The following GRIA4 variants were observed in gnomAD, a reference collection of about 807,000 sequenced individuals.
GRIA4 encodes glutamate receptor 4.
Under a neutral mutation model 104.0 loss-of-function variants are expected in GRIA4, and 34 were observed. The observed-to-expected ratio is 0.33, with a 90% CI of 0.25 to 0.44. The LOEUF (loss-of-function observed/expected upper bound fraction) is 0.44, where lower values mean the gene tolerates loss of function less well. Ranked by LOEUF, GRIA4 falls within the 20% of genes least tolerant of loss-of-function variation. The probability of loss-of-function intolerance (pLI) is 1.00; values close to 1 mark genes in which losing one functional copy is unlikely to be tolerated. For synonymous variants in GRIA4, 386 were observed against 381.9 expected (o/e 1.01, Z -0.13); for missense variants, 750 against 1,096.5 (o/e 0.68, Z 4.46).
chr11:105,747,915 C>T (rs1003188655), intron 3 of GRIA4, among the ~76,000 whole-genome samples: 34 of 152,214 alleles, frequency 2.2e-4, no homozygotes, highest in African/African-American at 5.5e-4. Context: ...AACTAAACTT[C>T]GACACATACT....
chr11:105,980,354 C>T lies in GRIA4; in HGVS notation c.*615C>T, dbSNP rs562637710. On this transcript the variant is annotated 3_prime_UTR_variant, in exon 17 of 17. Coordinates refer to ENST00000282499, the MANE Select transcript of GRIA4 (RefSeq NM_000829.4). ...TAACTGACGTAAATTCAGTAGAGGA[C>T]AACACAATTCTTTTTTCTAACCATC... is the stretch of plus-strand genomic sequence containing the variant. The T allele has an allele frequency of 6.6e-6, 1 of 152,632 alleles. No homozygotes were observed. The highest frequency in any genetic ancestry group is 6.5e-5 in the Admixed American group (1 of 15,294). The allele number at this position is 152,632 out of a possible 1,614,324, so 9.5% of individuals were successfully genotyped here. A position where few individuals can be genotyped will look rare whatever the true frequency, so the allele number is the denominator to read the frequency against.
chr11:105,759,885 C>A (rs1327663368), intron 4 of GRIA4, among the ~76,000 whole-genome samples: 10 of 152,060 alleles, frequency 6.6e-5, no homozygotes, highest in Admixed American at 6.6e-5. Context: ...ATTATGTCTT[C>A]ATCATCAGGC....
At chr11:105,820,470 G>A (rs1044970440) in intron 4 of GRIA4, among the ~76,000 whole-genome samples, 8 of 151,786 alleles carry the variant, frequency 5.3e-5, no homozygotes, top group African/African-American at 1.5e-4. Context: ...TTTATTTGTC[G>A]GCTCCCCCAT....
At chr11:105,674,918 A>G (rs1333893709) in intron 3 of GRIA4, among the ~76,000 whole-genome samples, 1 of 151,946 alleles carries the variant, frequency 6.6e-6, no homozygotes, top group Non-Finnish European at 1.5e-5. Context: ...AGATGAAAAT[A>G]TTAACCCTCT....
intron 3 of GRIA4, among the ~76,000 whole-genome samples, chr11:105,638,470 G>A (rs1035793293): frequency 6.6e-6 from 1 of 151,900 alleles, no homozygotes; most frequent in African/African-American, 2.4e-5. Context: ...TATGATCAGG[G>A]CAAAGTAGTG....
chr11:105,802,123 C>A (rs1326066241), intron 4 of GRIA4, among the ~76,000 whole-genome samples: 1 of 151,982 alleles, frequency 6.6e-6, no homozygotes, highest in African/African-American at 2.4e-5. Flanking sequence ...GTCAGTGACC[C>A]AAAGCAAACT....
At chr11:105,671,965 C>T (rs1453463846) in intron 3 of GRIA4, among the ~76,000 whole-genome samples, 2 of 152,004 alleles carry the variant, frequency 1.3e-5, no homozygotes, top group African/African-American at 4.8e-5. Flanking sequence ...TTTCCGTTTG[C>T]TTTCACATTT....
intron 3 of GRIA4, among the ~76,000 whole-genome samples, chr11:105,716,213 G>A (rs752631066): frequency 1.1e-4 from 17 of 152,156 alleles, no homozygotes; most frequent in Non-Finnish European, 1.9e-4. Flanking sequence ...AAGGATCCCA[G>A]ATTGACAAGA....
chr11:105,974,680 A>G (rs1858884565), intron 16 of GRIA4: 3 of 968,828 alleles, frequency 3.1e-6, no homozygotes, highest in South Asian at 1.7e-5. Context: ...TGAAAACTTC[A>G]GTGCAAATTG....
At chr11:105,841,002 A>G (rs897128811) in intron 4 of GRIA4, among the ~76,000 whole-genome samples, 7 of 152,238 alleles carry the variant, frequency 4.6e-5, no homozygotes, top group Admixed American at 4.6e-4. Flanking sequence ...TAGCCTGTAT[A>G]GAAATGGCTC....
intron 3 of GRIA4, among the ~76,000 whole-genome samples, chr11:105,640,477 T>G (rs1951328378): frequency 6.6e-6 from 1 of 151,938 alleles, no homozygotes; most frequent in Non-Finnish European, 1.5e-5. Context: ...TATAGACACT[T>G]AATTATAATA....
chr11:105,890,347 C>A (rs1285440641), intron 6 of GRIA4, among the ~76,000 whole-genome samples: 2 of 152,152 alleles, frequency 1.3e-5, no homozygotes, highest in African/African-American at 4.8e-5. Context: ...ATATTGGCTT[C>A]ATAATGGTCT....
intron 5 of GRIA4, among the ~76,000 whole-genome samples, chr11:105,863,407 T>TATAC (rs1448377777): frequency 1.3e-5 from 2 of 151,482 alleles, no homozygotes; most frequent in African/African-American, 4.9e-5. Context: ...TATATATATA[T>TATAC]ACTGAAGAAA....
intron 4 of GRIA4, among the ~76,000 whole-genome samples, chr11:105,856,812 C>T (rs1945023798): frequency 6.6e-6 from 1 of 151,986 alleles, no homozygotes. Flanking sequence ...TCAGAAAATG[C>T]CTTAGGAAAA....
At chr11:105,805,308 T>C (rs906450703) in intron 4 of GRIA4, among the ~76,000 whole-genome samples, 10 of 151,492 alleles carry the variant, frequency 6.6e-5, no homozygotes, top group African/African-American at 2.4e-4. Flanking sequence ...AGAATATAGA[T>C]AGAAAAGGCG....
chr11:105,919,781 G>A (rs1035281050), intron 11 of GRIA4, among the ~76,000 whole-genome samples: 3 of 152,102 alleles, frequency 2.0e-5, no homozygotes, highest in Admixed American at 6.6e-5. Context: ...TCTATTCATC[G>A]AGTAACCAAT....
chr11:105,934,087 T>C, intron 14 of GRIA4, 118 bp downstream of exon 14: 1 of 875,598 alleles, frequency 1.1e-6, no homozygotes, highest in East Asian at 2.7e-5. Flanking sequence ...TTGTTTGTTT[T>C]CTTTTTCTCC....
chr11:105,711,643 A>G (rs897212720), intron 3 of GRIA4, among the ~76,000 whole-genome samples: 31 of 152,142 alleles, frequency 2.0e-4, no homozygotes, highest in African/African-American at 7.2e-4. Flanking sequence ...TTTGAGTGAA[A>G]TTATGATGAA....
chr11:105,810,248 A>G (rs1237864820), intron 4 of GRIA4, among the ~76,000 whole-genome samples: 2 of 152,218 alleles, frequency 1.3e-5, no homozygotes, highest in Non-Finnish European at 2.9e-5. Flanking sequence ...CAATAATAGC[A>G]TGACAGCCTT....
Sources: allele counts gnomAD v4.1 joint callset (sites outside exome capture counted in the v4.1 genomes callset), GRCh38; gene constraint gnomAD v4.1.1; transcripts MANE v1.5; gene names NCBI Gene and HGNC (gene_info 2026-07-23, HGNC 2026-07-21).